Variants in FOXO3 observed in about 807,000 individuals in gnomAD.
The protein encoded by FOXO3 is forkhead box protein O3.
Under a neutral mutation model 41.9 loss-of-function variants are expected in FOXO3, and 4 were observed. The ratio of observed to expected loss-of-function variants is 0.10; its 90% CI spans 0.05 to 0.22. The LOEUF is 0.22. FOXO3 is among the 10% of genes least tolerant of loss of function. FOXO3 has a pLI of 1.00. For synonymous variants in FOXO3, 318 were observed against 389.3 expected, an observed-to-expected ratio of 0.82 and a Z score of 2.16; for missense variants, 534 against 906.8, an observed-to-expected ratio of 0.59 and a Z score of 5.28.
chr6:108,652,506 C>T (rs184087331), intron 1 of FOXO3, among the ~76,000 whole-genome samples: 28 of 152,278 alleles, frequency 1.8e-4, no homozygotes, highest in Non-Finnish European at 1.5e-5. Flanking sequence ...GTGCCTCCCT[C>T]CTTGGTCAGT....
chr6:108,661,427 C>T (rs1366783896), intron 1 of FOXO3, among the ~76,000 whole-genome samples: 2 of 152,116 alleles, frequency 1.3e-5, no homozygotes, highest in Admixed American at 1.3e-4. Flanking sequence ...AAAAACTCAT[C>T]TGGCCTGCAG....
chr6:108,639,198 T>G (rs996951209), intron 1 of FOXO3, among the ~76,000 whole-genome samples: 1 of 152,176 alleles, frequency 6.6e-6, no homozygotes, highest in African/African-American at 2.4e-5. Flanking sequence ...TGGCCCTGCC[T>G]CCCACTGGGT....
At chr6:108,665,157 C>G (rs377424827) in intron 2 of FOXO3, among the ~76,000 whole-genome samples, 1 of 152,174 alleles carries the variant, frequency 6.6e-6, no homozygotes, top group Non-Finnish European at 1.5e-5. Flanking sequence ...ATTCAGAGAT[C>G]GCATTCTTTT....
chr6:108,589,909 A>T (rs1310475438), intron 1 of FOXO3, among the ~76,000 whole-genome samples: 1 of 152,246 alleles, frequency 6.6e-6, no homozygotes, highest in Non-Finnish European at 1.5e-5. Flanking sequence ...AAACAAAAGC[A>T]TGCTGCCAGG....
intron 1 of FOXO3, among the ~76,000 whole-genome samples, chr6:108,589,812 A>G (rs1379566297): frequency 6.6e-6 from 1 of 152,210 alleles, no homozygotes; most frequent in Admixed American, 6.5e-5. Context: ...AGAGCCTTCC[A>G]ATTGTAAGTA....
intron 1 of FOXO3, among the ~76,000 whole-genome samples, chr6:108,603,346 A>G (rs930905018): frequency 6.6e-6 from 1 of 152,218 alleles, no homozygotes; most frequent in Non-Finnish European, 1.5e-5. Context: ...AAAGTTTATA[A>G]TCAATTATTC....
At chr6:108,587,238 C>T (rs971613466) in intron 1 of FOXO3, among the ~76,000 whole-genome samples, 3 of 151,972 alleles carry the variant, frequency 2.0e-5, no homozygotes, top group Non-Finnish European at 2.9e-5. Context: ...GAATATAAAC[C>T]CAGCCTGCTC....
chr6:108,613,770 C>CTGCA (rs1777423774), intron 1 of FOXO3, among the ~76,000 whole-genome samples: 1 of 150,772 alleles, frequency 6.6e-6, no homozygotes, highest in Admixed American at 6.6e-5. Context: ...TTCTTTTCTT[C>CTGCA]TGCATGTTGT....
At chr6:108,654,396 T>C (rs1301338953) in intron 1 of FOXO3, among the ~76,000 whole-genome samples, 2 of 152,198 alleles carry the variant, frequency 1.3e-5, no homozygotes, top group South Asian at 2.1e-4. Flanking sequence ...TTTTTCATGC[T>C]ATTTAAGAGA....
At chr6:108,668,077 A>G (rs1163916318) in intron 2 of FOXO3, among the ~76,000 whole-genome samples, 2 of 152,200 alleles carry the variant, frequency 1.3e-5, no homozygotes, top group African/African-American at 4.8e-5. Flanking sequence ...TCTCAAATTA[A>G]CTGTCCCAGC....
Position 108,664,393 on chromosome 6 carries a change from T to C in FOXO3, c.1560T>C (p.Ala520=). 1 of 1,613,790 alleles carries C rather than the reference T, an allele frequency of 6.2e-7. No individual in the cohort carries two copies. The highest frequency in any genetic ancestry group is 1.1e-5 in the South Asian group (1 of 91,054). ...MLRNDPMMSF[A]AQPNQGSLVN... ...GCAATGATCCGATGATGTCCTTTGCTGCCCAGCCTAACCAGGGAAGTTTGG... is the reference window on the plus strand; with the variant it reads ...GCAATGATCCGATGATGTCCTTTGCCGCCCAGCCTAACCAGGGAAGTTTGG... Residue 520 remains alanine, a synonymous_variant, in exon 2 of 3, where the codon GCT becomes GCC. Coordinates refer to ENST00000406360, the MANE Select transcript of FOXO3 (RefSeq NM_001455.4).
intron 1 of FOXO3, among the ~76,000 whole-genome samples, chr6:108,642,671 C>T (rs911791167): frequency 3.3e-5 from 5 of 152,118 alleles, no homozygotes; most frequent in African/African-American, 7.2e-5. Context: ...AAAAAAAGTT[C>T]GGCAGCTCTC....
At chr6:108,604,033 A>ATG (rs1777124618) in intron 1 of FOXO3, among the ~76,000 whole-genome samples, 1 of 152,162 alleles carries the variant, frequency 6.6e-6, no homozygotes, top group Admixed American at 6.5e-5. Context: ...GGTATTGAGG[A>ATG]TGATCACATC....
At chr6:108,666,601 C>T (rs1000258407) in intron 2 of FOXO3, among the ~76,000 whole-genome samples, 2 of 152,026 alleles carry the variant, frequency 1.3e-5, no homozygotes, top group African/African-American at 4.8e-5. Flanking sequence ...CCTCAGCCTC[C>T]CAAAGTGCTG....
chr6:108,569,529 T>G (rs1025610370), intron 1 of FOXO3, among the ~76,000 whole-genome samples: 1 of 152,246 alleles, frequency 6.6e-6, no homozygotes, highest in East Asian at 1.9e-4. Flanking sequence ...CCTGAGTTTT[T>G]GAGGTTTTAA....
intron 1 of FOXO3, among the ~76,000 whole-genome samples, chr6:108,603,094 T>G (rs1297875080): frequency 6.6e-6 from 1 of 152,110 alleles, no homozygotes; most frequent in Non-Finnish European, 1.5e-5. Context: ...ACTTTTTGTG[T>G]TTTCATCTGT....
chr6:108,600,124 C>T (rs1389709663), intron 1 of FOXO3, among the ~76,000 whole-genome samples: 5 of 151,968 alleles, frequency 3.3e-5, no homozygotes, highest in Admixed American at 2.6e-4. Flanking sequence ...TGTGGCTGAC[C>T]GCGAGGAAAA....
chr6:108,585,086 C>T (rs1300156017), intron 1 of FOXO3, among the ~76,000 whole-genome samples: 2 of 131,010 alleles, frequency 1.5e-5, no homozygotes, highest in African/African-American at 5.9e-5. Context: ...CCAGGCCGGA[C>T]TGCGGACTGC....
chr6:108,668,657 T>G (rs184447873), intron 2 of FOXO3, among the ~76,000 whole-genome samples: 1 of 152,298 alleles, frequency 6.6e-6, no homozygotes, highest in African/African-American at 2.4e-5. Context: ...ATATTTAGTT[T>G]AAAGTACTTT....
Sources: gnomAD v4.1 joint callset for allele counts (sites outside exome capture counted in the v4.1 genomes callset) on GRCh38, gnomAD v4.1.1 for gene constraint, MANE v1.5 for transcripts, NCBI Gene and HGNC (gene_info 2026-07-23, HGNC 2026-07-21) for gene names.